Variants in CTNNA2 observed in about 807,000 individuals in gnomAD.
CTNNA2 encodes catenin alpha 2.
CTNNA2 carries 42 observed loss-of-function variants against 101.0 expected under a neutral mutation model. The ratio of observed to expected loss-of-function variants is 0.42; its 90% confidence interval spans 0.32 to 0.54. CTNNA2 has a LOEUF of 0.54. Among genes scored for constraint, CTNNA2 ranks in the 20% least tolerant of loss-of-function variants. The pLI is 0.14. For missense variants in CTNNA2, 871 were observed against 1,223.1 expected (o/e 0.71, Z 4.29); for synonymous variants, 450 against 456.4 (o/e 0.99, Z 0.18).
chr2:80,079,882 T>TAAAATAA (rs1553445210), intron 7 of CTNNA2, among the ~76,000 whole-genome samples: 90 of 54,582 alleles, frequency 1.6e-3, no homozygotes, highest in Non-Finnish European at 3.4e-3. Context: ...TAAAATAAAA[T>TAAAATAA]AATAAAATAA....
intron 7 of CTNNA2, among the ~76,000 whole-genome samples, chr2:80,215,071 C>G (rs1708169826): frequency 6.6e-6 from 1 of 152,160 alleles, no homozygotes; most frequent in South Asian, 2.1e-4. Context: ...CTTATGCATT[C>G]ATCACATAGT....
intron 7 of CTNNA2, among the ~76,000 whole-genome samples, chr2:80,053,215 T>C (rs1696991687): frequency 6.6e-6 from 1 of 152,184 alleles, no homozygotes; most frequent in African/African-American, 2.4e-5. Flanking sequence ...TTTTCCTGTT[T>C]GTGTAAGTGT....
intron 7 of CTNNA2, among the ~76,000 whole-genome samples, chr2:79,985,171 A>G (rs1313283763): frequency 6.6e-6 from 1 of 150,728 alleles, no homozygotes; most frequent in African/African-American, 2.4e-5. Flanking sequence ...TCTGTAGCCA[A>G]CTCCTCCACT....
At chr2:79,988,460 A>ATGTG (rs1226080495) in intron 7 of CTNNA2, among the ~76,000 whole-genome samples, 5 of 89,354 alleles carry the variant, frequency 5.6e-5, no homozygotes, top group African/African-American at 1.7e-4. Flanking sequence ...TATGAAGTGT[A>ATGTG]TGTGTATGTG....
At chr2:80,613,969 C>T (rs181991615) in intron 17 of CTNNA2, among the ~76,000 whole-genome samples, 8 of 151,536 alleles carry the variant, frequency 5.3e-5, no homozygotes, top group Non-Finnish European at 1.2e-4. Context: ...GATATCAGTG[C>T]CATTACTTGT....
intron 3 of CTNNA2, among the ~76,000 whole-genome samples, chr2:79,777,384 G>A (rs1308716508): frequency 6.7e-6 from 1 of 149,440 alleles, no homozygotes; most frequent in East Asian, 2.1e-4. Context: ...TGTCTGTACT[G>A]TGTATATTCA....
intron 7 of CTNNA2, among the ~76,000 whole-genome samples, chr2:80,306,400 T>TTTC (rs201581568): frequency 0.016 from 1,733 of 109,190 alleles, 21 homozygotes; most frequent in East Asian, 0.028. Flanking sequence ...TTTTCTTTTC[T>TTTC]TTTCTTTCTT....
chr2:80,342,920 T>A (rs1672371051), intron 7 of CTNNA2, among the ~76,000 whole-genome samples: 2 of 152,160 alleles, frequency 1.3e-5, no homozygotes, highest in Admixed American at 1.3e-4. Context: ...TTGTGAGGGA[T>A]GGTCTGTACC....
At chr2:80,365,213 A>G (rs1172297529) in intron 7 of CTNNA2, among the ~76,000 whole-genome samples, 1 of 152,074 alleles carries the variant, frequency 6.6e-6, no homozygotes, top group Non-Finnish European at 1.5e-5. Flanking sequence ...TGCAATTCCA[A>G]TCAACTCTAA....
At chr2:80,009,720 GTGTGTC>G (rs1478755313) in intron 7 of CTNNA2, among the ~76,000 whole-genome samples, 2 of 51,456 alleles carry the variant, frequency 3.9e-5, no homozygotes, top group Non-Finnish European at 8.7e-5. Context: ...CAAAGCTGGT[GTGTGTC>G]TGTGTGTGTG....
chr2:79,648,583 C>A (rs1680992342), intron 1 of CTNNA2, among the ~76,000 whole-genome samples: 1 of 152,110 alleles, frequency 6.6e-6, no homozygotes, highest in Non-Finnish European at 1.5e-5. Context: ...AAGATGATAC[C>A]AGCTGAGGTA....
intron 7 of CTNNA2, among the ~76,000 whole-genome samples, chr2:80,340,019 A>G (rs991470193): frequency 5.9e-5 from 9 of 152,232 alleles, no homozygotes; most frequent in Non-Finnish European, 1.2e-4. Context: ...CTTACAAAGT[A>G]TATGCAGCTT....
intron 3 of CTNNA2, among the ~76,000 whole-genome samples, chr2:79,764,385 A>G (rs1312830162): frequency 6.6e-6 from 1 of 152,222 alleles, no homozygotes; most frequent in Admixed American, 6.5e-5. Context: ...TTATTCAACT[A>G]ATAAAAATAT....
chr2:80,110,262 A>C (rs1701135351), intron 7 of CTNNA2, among the ~76,000 whole-genome samples: 1 of 152,236 alleles, frequency 6.6e-6, no homozygotes, highest in Non-Finnish European at 1.5e-5. Context: ...GGTATCTATT[A>C]GGTTTCCAGA....
At chr2:80,394,491 A>G (rs1048663992) in intron 8 of CTNNA2, among the ~76,000 whole-genome samples, 13 of 152,254 alleles carry the variant, frequency 8.5e-5, no homozygotes, top group Non-Finnish European at 1.3e-4. Flanking sequence ...AAGGCAGAAT[A>G]CAACATTGTC....
At chr2:79,420,838 T>C (rs958688707) in intron 4 of CTNNA2, among the ~76,000 whole-genome samples, 1 of 152,168 alleles carries the variant, frequency 6.6e-6, no homozygotes, top group African/African-American at 2.4e-5. Context: ...AATATGGTCT[T>C]GACTGGAACC....
At chr2:80,005,849 G>T (rs753843812) in intron 7 of CTNNA2, among the ~76,000 whole-genome samples, 1 of 151,620 alleles carries the variant, frequency 6.6e-6, no homozygotes, top group Non-Finnish European at 1.5e-5. Flanking sequence ...AATTCAGGTG[G>T]TGGAACATCT....
chr2:79,255,756 CT>C (rs747031644), intron 2 of CTNNA2, among the ~76,000 whole-genome samples: 3 of 152,260 alleles, frequency 2.0e-5, no homozygotes, highest in East Asian at 3.9e-4. Flanking sequence ...TTAAATTCAC[CT>C]TGTGTAGCTT....
chr2:80,295,921 C>T (rs950447301), intron 7 of CTNNA2, among the ~76,000 whole-genome samples: 2 of 152,094 alleles, frequency 1.3e-5, no homozygotes, highest in African/African-American at 4.8e-5. Context: ...CCTGTCTGTC[C>T]CCAGATGAAT....
Sources: gnomAD v4.1 joint callset for allele counts (sites outside exome capture counted in the v4.1 genomes callset) on GRCh38, gnomAD v4.1.1 for gene constraint, MANE v1.5 for transcripts, NCBI Gene and HGNC (gene_info 2026-07-23, HGNC 2026-07-21) for gene names.